Variants in ARHGAP21 observed in about 807,000 individuals in gnomAD.
ARHGAP21 encodes the protein Rho GTPase activating protein 21.
Under a neutral mutation model 164.6 loss-of-function variants are expected in ARHGAP21, and 38 were observed. The ratio of observed to expected loss-of-function variants is 0.23; its 90% CI spans 0.18 to 0.30. The LOEUF (loss-of-function observed/expected upper bound fraction) is 0.30, where lower values mean the gene tolerates loss of function less well. Among genes scored for constraint, ARHGAP21 ranks in the 10% least tolerant of loss-of-function variants. The probability of loss-of-function intolerance (pLI) is 1.00; values close to 1 mark genes in which losing one functional copy is unlikely to be tolerated. For synonymous variants in ARHGAP21, 766 were observed against 857.9 expected, an observed-to-expected ratio of 0.89 and a Z score of 1.87; for missense variants, 1,822 against 2,370.7, an observed-to-expected ratio of 0.77 and a Z score of 4.81.
At chr10:24,599,333 CCT>C (rs947549421) in intron 14 of ARHGAP21, among the ~76,000 whole-genome samples, 4 of 152,108 alleles carry the variant, frequency 2.6e-5, no homozygotes, top group African/African-American at 7.2e-5. Flanking sequence ...TCTTATTCTC[CCT>C]GTTTATTTTG....
intron 19 of ARHGAP21, 97 bp from the exon 20 acceptor site, chr10:24,595,287 GA>G (rs1181813729): frequency 9.9e-7 from 1 of 1,011,804 alleles, no homozygotes; most frequent in African/African-American, 1.6e-5. Context: ...CACAACATAG[GA>G]AAGAGTTCTA....
Position 24,620,206 on chromosome 10 carries a change from G to A in ARHGAP21, c.1689C>T (p.Ser563=), listed in dbSNP as rs12765840. The stretch of plus-strand genomic sequence containing the variant: ...TTCGCCTGTTATCAGAATTAACAAC[G>A]CTTGGAGCCACAGTAAAATTGGAAC... ...FRGSNFTVAP[S]VVNSDNRRMS... Residue 563 remains serine, a synonymous_variant, in exon 9 of 26, where the codon AGC becomes AGT. Transcript: ENST00000396432. 10 of 1,613,894 alleles carry A rather than the reference G, an allele frequency of 6.2e-6. No homozygotes were observed. The highest frequency in any genetic ancestry group is 2.2e-5 in the East Asian group (1 of 44,882).
At chr10:24,628,055 T>G (rs983062065) in intron 7 of ARHGAP21, among the ~76,000 whole-genome samples, 1 of 152,218 alleles carries the variant, frequency 6.6e-6, no homozygotes, top group South Asian at 2.1e-4. Context: ...TTCGCTACCA[T>G]ATACACCATC....
At position 24,602,027 on chromosome 10, in the gene ARHGAP21, G is replaced by A; in HGVS notation, c.2798C>T (p.Ala933Val). The A allele has an allele frequency of 6.2e-7, 1 of 1,612,162 alleles. No homozygotes were observed. Among genetic ancestry groups the A allele is most frequent in the Non-Finnish European group, 8.5e-7 (1 of 1,179,854 alleles). The change falls in exon 13 of 26, where the codon GCC becomes GTC. Residue 933 changes from alanine to valine, a missense_variant. Ala to Val is a moderately conservative substitution (Grantham distance 64). This residue lies in a region of ARHGAP21 where 1,090 missense variants were observed against 1,378.9 expected (regional missense o/e 0.79). Transcript: ENST00000396432. ...DSSSEVFSDAAKEGWLHFRPL... is the reference protein window; with the variant it reads ...DSSSEVFSDAVKEGWLHFRPL... ...TCGGAAATGAAGCCACCCTTCCTTG[G>A]CAGCATCACTGAAGACCTCTGAGGA... is the stretch of plus-strand genomic sequence containing the variant.
chr10:24,633,328 A>G, intron 6 of ARHGAP21, 74 bp downstream of exon 6: 3 of 1,045,114 alleles, frequency 2.9e-6, no homozygotes, highest in Non-Finnish European at 4.3e-6. Flanking sequence ...TAAGAATAGA[A>G]GATTGTATTA....
At chr10:24,590,436 A>C in intron 24 of ARHGAP21, 1 of 1,535,340 alleles carries the variant, frequency 6.5e-7, no homozygotes, top group Non-Finnish European at 8.7e-7. Context: ...ACATCACAGA[A>C]TCCACTAGTG....
At chr10:24,696,666 G>A (rs1163519677) in intron 2 of ARHGAP21, among the ~76,000 whole-genome samples, 1 of 152,154 alleles carries the variant, frequency 6.6e-6, no homozygotes, top group Admixed American at 6.5e-5. Context: ...ATGGCTCTAG[G>A]AAGTTTGGAA....
Position 24,586,501 on chromosome 10 carries a change from G to A in ARHGAP21, c.4183-395C>T, listed in dbSNP as rs189218266. The stretch of plus-strand genomic sequence containing the variant: ...GATAGGTAAAACAATATTGTGACAC[G>A]GTCAAACATCATATTCTGATATAGG... On this transcript the variant is annotated intron_variant, in intron 25 of 25. Coordinates refer to ENST00000396432, the MANE Select transcript of ARHGAP21 (RefSeq NM_020824.4). Among the ~76,000 whole-genome samples the A allele has an allele frequency of 7.8e-4, 118 of 152,154 alleles. No homozygotes were observed. In the East Asian group the frequency reaches 0.011, roughly 15 times the overall value.
chr10:24,659,959 T>C (rs1323497898), intron 4 of ARHGAP21, among the ~76,000 whole-genome samples: 1 of 152,180 alleles, frequency 6.6e-6, no homozygotes, highest in Admixed American at 6.5e-5. Context: ...TTAGAAGCTG[T>C]TGAGAAGGTT....
At chr10:24,648,238 G>T (rs1837778222) in intron 4 of ARHGAP21, among the ~76,000 whole-genome samples, 1 of 152,176 alleles carries the variant, frequency 6.6e-6, no homozygotes, top group African/African-American at 2.4e-5. Flanking sequence ...ACGTCAGGAG[G>T]AAGAAATTCC....
chr10:24,646,993 T>C (rs1010919478), intron 4 of ARHGAP21, among the ~76,000 whole-genome samples: 2 of 152,194 alleles, frequency 1.3e-5, no homozygotes, highest in Non-Finnish European at 2.9e-5. Context: ...TACTCCGCCA[T>C]GCACTTTTCT....
At chr10:24,701,693 A>C (rs1344820959) in intron 2 of ARHGAP21, among the ~76,000 whole-genome samples, 2 of 152,222 alleles carry the variant, frequency 1.3e-5, no homozygotes, top group East Asian at 3.8e-4. Context: ...GGAGATAATG[A>C]AAGAAGGGAA....
At chr10:24,610,416 G>C (rs1593012584) in intron 9 of ARHGAP21, among the ~76,000 whole-genome samples, 1 of 144,968 alleles carries the variant, frequency 6.9e-6, no homozygotes, top group Non-Finnish European at 1.5e-5. Flanking sequence ...TTCACTAAAA[G>C]ACCCAGAGCT....
intron 6 of ARHGAP21, among the ~76,000 whole-genome samples, chr10:24,631,106 C>A (rs1000379397): frequency 5.3e-5 from 8 of 152,102 alleles, no homozygotes; most frequent in African/African-American, 1.9e-4. Flanking sequence ...AGGTGCCGGG[C>A]GAAGTGGCTT....
intron 2 of ARHGAP21, among the ~76,000 whole-genome samples, chr10:24,692,953 A>G (rs1468589843): frequency 6.6e-6 from 1 of 152,188 alleles, no homozygotes; most frequent in Non-Finnish European, 1.5e-5. Context: ...ACATGGATAC[A>G]TTTCAAAGAT....
At chr10:24,592,744 A>G (rs1220149924) in intron 21 of ARHGAP21, among the ~76,000 whole-genome samples, 1 of 151,106 alleles carries the variant, frequency 6.6e-6, no homozygotes, top group Admixed American at 6.6e-5. Context: ...TGAAGAAAAA[A>G]AGAAAAAAAA....
At chr10:24,632,121 T>C (rs1835908748) in intron 6 of ARHGAP21, among the ~76,000 whole-genome samples, 1 of 152,202 alleles carries the variant, frequency 6.6e-6, no homozygotes, top group Admixed American at 6.5e-5. Context: ...AACAACACTT[T>C]TAATGGAAAT....
chr10:24,592,366 A>G (rs905668138), intron 21 of ARHGAP21, among the ~76,000 whole-genome samples: 3 of 152,156 alleles, frequency 2.0e-5, no homozygotes, highest in Non-Finnish European at 4.4e-5. Context: ...GCAAATGTGT[A>G]CAAAACGTTT....
At chr10:24,636,249 G>A (rs908281967) in intron 4 of ARHGAP21, among the ~76,000 whole-genome samples, 6 of 152,218 alleles carry the variant, frequency 3.9e-5, no homozygotes, top group Non-Finnish European at 8.8e-5. Context: ...TTTAAGCTAA[G>A]TGACAAACAG....
Sources: allele counts gnomAD v4.1 joint callset (sites outside exome capture counted in the v4.1 genomes callset), GRCh38; gene constraint gnomAD v4.1.1; regional missense constraint gnomAD v4.1.1; transcripts MANE v1.5; gene names NCBI Gene and HGNC (gene_info 2026-07-23, HGNC 2026-07-21).